Variants in DNAH6 observed in about 807,000 individuals in gnomAD.
The protein encoded by DNAH6 is axonemal beta dynein heavy chain 6.
Under a neutral mutation model 491.4 loss-of-function variants are expected in DNAH6, and 340 were observed. The ratio of observed to expected loss-of-function variants is 0.69; its 90% CI spans 0.63 to 0.76. DNAH6 has a LOEUF of 0.76. Among genes scored for constraint, DNAH6 ranks in the 30% least tolerant of loss-of-function variants. The pLI, the probability that DNAH6 is intolerant of heterozygous loss-of-function variation, is 0.00. For missense variants in DNAH6, 4,443 were observed against 4,972.2 expected (o/e 0.89, Z 3.20); for synonymous variants, 1,603 against 1,686.1 (o/e 0.95, Z 1.21).
Position 84,619,628 on chromosome 2 carries a change from C to T in DNAH6, c.3573-57C>T, listed in dbSNP as rs114674042. On this transcript the variant is annotated intron_variant, in intron 23 of 76. Coordinates refer to ENST00000389394, the MANE Select transcript of DNAH6 (RefSeq NM_001370.2). ...TGGCTAAGGAATTTATCTTTTATGT[C>T]TGTCTAAGACTTTACTTCCATTTCA... The T allele has an allele frequency of 2.3e-3, 3,312 of 1,442,854 alleles. 12 individuals are homozygous for T. Among genetic ancestry groups the T allele is most frequent in the Middle Eastern group, 9.1e-3 (44 of 4,844 alleles). 89.4% of individuals were successfully genotyped at this position (1,442,854 alleles called of 1,614,324 possible).
chr2:84,617,531 C>T (rs973224893), intron 23 of DNAH6, among the ~76,000 whole-genome samples: 2 of 151,932 alleles, frequency 1.3e-5, no homozygotes, highest in Non-Finnish European at 2.9e-5. Flanking sequence ...ATCCCCACCT[C>T]CCCAGCCCCA....
rs1424430376 is a variant in DNAH6 at position 84,544,225 on chromosome 2, G to A, written c.663-8G>A. 7.3e-7 allele frequency: 1 copy of A among 1,365,868 alleles called. No homozygotes were observed. The highest frequency in any genetic ancestry group is 2.5e-5 in the East Asian group (1 of 39,550). The allele number at this position is 1,365,868 out of a possible 1,614,324, so 84.6% of individuals were successfully genotyped here. On this transcript the variant is annotated splice_region_variant and splice_polypyrimidine_tract_variant and intron_variant, in intron 4 of 76. Coordinates refer to ENST00000389394, the MANE Select transcript of DNAH6 (RefSeq NM_001370.2). ...TATTTATTAGTCCCAATTTTTATTT[G>A]TTTATAGAGTTGTAAGTTATGAGAA... is the stretch of plus-strand genomic sequence containing the variant.
chr2:84,648,889 A>G (rs1425037915), intron 33 of DNAH6, among the ~76,000 whole-genome samples: 1 of 152,248 alleles, frequency 6.6e-6, no homozygotes, highest in Non-Finnish European at 1.5e-5. Flanking sequence ...GTAAAATGCT[A>G]TCAAACAGCA....
At chr2:84,476,568 C>T in the DNAH6 span, among the ~76,000 whole-genome samples, 1 of 152,162 alleles carries the variant, frequency 6.6e-6, no homozygotes. Flanking sequence ...GATTTTTACA[C>T]TCATCCTCCT....
At chr2:84,783,909 T>A (rs1157519793) in intron 65 of DNAH6, among the ~76,000 whole-genome samples, 1 of 152,102 alleles carries the variant, frequency 6.6e-6, no homozygotes. Context: ...GATAGCAATT[T>A]TAAGTGGTTT....
intron 29 of DNAH6, among the ~76,000 whole-genome samples, chr2:84,628,505 T>C (rs1688093873): frequency 6.6e-6 from 1 of 152,200 alleles, no homozygotes; most frequent in Admixed American, 6.5e-5. Flanking sequence ...CAGGAACTCT[T>C]TTGCCCTAAA....
intron 45 of DNAH6, among the ~76,000 whole-genome samples, chr2:84,692,325 TG>T (rs1443823117): frequency 6.6e-6 from 1 of 152,186 alleles, no homozygotes; most frequent in African/African-American, 2.4e-5. Context: ...ACAGTGACCA[TG>T]TGATGTTTTC....
intron 21 of DNAH6, among the ~76,000 whole-genome samples, chr2:84,611,008 C>T (rs1229580780): frequency 6.6e-6 from 1 of 152,138 alleles, no homozygotes; most frequent in Non-Finnish European, 1.5e-5. Flanking sequence ...TACTCCCAAA[C>T]CTAGAGTGGG....
At chr2:84,522,406 A>C (rs1444282699) in intron 2 of DNAH6, among the ~76,000 whole-genome samples, 1 of 152,166 alleles carries the variant, frequency 6.6e-6, no homozygotes, top group Non-Finnish European at 1.5e-5. Context: ...ATATAGAATC[A>C]TGTCATCTGC....
the DNAH6 span, among the ~76,000 whole-genome samples, chr2:84,481,892 C>T: frequency 2.9e-4 from 44 of 152,276 alleles, no homozygotes; most frequent in East Asian, 5.4e-3. Context: ...TCAGCTATCA[C>T]GTTGCACATC....
At chr2:84,818,365 G>A (rs1002779978) in intron 76 of DNAH6, among the ~76,000 whole-genome samples, 4 of 151,676 alleles carry the variant, frequency 2.6e-5, no homozygotes, top group African/African-American at 9.7e-5. Context: ...GCACACGCCT[G>A]TAGTCCCAGC....
intron 18 of DNAH6, among the ~76,000 whole-genome samples, chr2:84,596,759 A>C (rs548803081): frequency 3.9e-5 from 6 of 152,270 alleles, no homozygotes; most frequent in African/African-American, 1.4e-4. Flanking sequence ...TGTTATTTGC[A>C]TAATATTTTT....
chr2:84,661,826 A>G lies in DNAH6; in HGVS notation c.6084+2657A>G, dbSNP rs530910583. 2.6e-5 allele frequency among the ~76,000 whole-genome samples: 4 copies of G among 152,206 alleles called. No individual in the cohort carries two copies. The South Asian group carries it at 8.3e-4, about 32-fold the overall frequency. On this transcript the variant is annotated intron_variant, in intron 37 of 76. Transcript: ENST00000389394. ...ATTTATATAAAAATGTAAAAGATCT[A>G]TAACTGAGATAATCTTGAAGGAACA... is the stretch of plus-strand genomic sequence containing the variant.
chr2:84,502,309 C>T, the DNAH6 span, among the ~76,000 whole-genome samples: 17 of 152,172 alleles, frequency 1.1e-4, no homozygotes, highest in Non-Finnish European at 4.4e-5. Flanking sequence ...TGTTTACTTT[C>T]CACCTATTTG....
intron 60 of DNAH6, among the ~76,000 whole-genome samples, chr2:84,724,039 A>T (rs1698409479): frequency 6.6e-6 from 1 of 152,168 alleles, no homozygotes; most frequent in African/African-American, 2.4e-5. Context: ...TCCCTGGCTC[A>T]GTCTTCCCAT....
At chr2:84,681,237 A>C in intron 41 of DNAH6, 120 bp from the exon 42 acceptor site, 3 of 819,006 alleles carry the variant, frequency 3.7e-6, no homozygotes, top group Non-Finnish European at 5.5e-6. Flanking sequence ...TGATACCAGA[A>C]GACTTTGTGT....
At chr2:84,714,936 A>G (rs545778255) in intron 57 of DNAH6, among the ~76,000 whole-genome samples, 1 of 150,984 alleles carries the variant, frequency 6.6e-6, no homozygotes, top group Admixed American at 6.6e-5. Context: ...TCATTCACAC[A>G]CTCTTGTTAT....
chr2:84,738,536 A>G (rs1457650671), intron 62 of DNAH6, among the ~76,000 whole-genome samples: 1 of 152,180 alleles, frequency 6.6e-6, no homozygotes, highest in African/African-American at 2.4e-5. Context: ...AATGTTGGAT[A>G]CACATATATC....
intron 56 of DNAH6, among the ~76,000 whole-genome samples, chr2:84,711,947 A>G (rs75570216): frequency 0.028 from 4,210 of 152,318 alleles, 210 homozygotes; most frequent in African/African-American, 0.096. Flanking sequence ...GCAGCAGACA[A>G]AAGGTTTTCT....
Sources: gnomAD v4.1 joint callset for allele counts (sites outside exome capture counted in the v4.1 genomes callset) on GRCh38, gnomAD v4.1.1 for gene constraint, MANE v1.5 for transcripts, NCBI Gene and HGNC (gene_info 2026-07-23, HGNC 2026-07-21) for gene names.